Variants in RNF135 observed in about 807,000 individuals in gnomAD.
RNF135 encodes ring finger protein 135.
Under a neutral mutation model 41.9 loss-of-function variants are expected in RNF135, and 46 were observed. The observed-to-expected ratio is 1.10, with a 90% CI of 0.87 to 1.40. RNF135 has a LOEUF of 1.40. Among genes scored for constraint, RNF135 ranks in the 40% most tolerant of loss-of-function variants. The probability of loss-of-function intolerance (pLI) is 0.00; values close to 1 mark genes in which losing one functional copy is unlikely to be tolerated. For missense variants in RNF135, 539 were observed against 549.8 expected (o/e 0.98, Z 0.20); for synonymous variants, 238 against 223.8 (o/e 1.06, Z -0.57).
chr17:30,979,233 G>C (rs1906751159), intron 1 of RNF135: 1 of 146,376 alleles, frequency 6.8e-6, no homozygotes, highest in South Asian at 1.8e-4. Context: ...GGCCGGGCGG[G>C]GGGCTGACCC....
rs539841450 is a variant in RNF135, at chr17:30,972,847, C to G, written c.372+1402C>G. On this transcript the variant is annotated intron_variant, in intron 1 of 4. Transcript: ENST00000328381. ...CTGGAGTGTAGTGGCATGATCTTGG[C>G]TCACTGCAACCTCTGCCCCCTGGGT... 7 of 152,384 alleles carry G rather than the reference C, an allele frequency of 4.6e-5. No homozygotes were observed. The East Asian group carries it at 1.3e-3, about 29-fold the overall frequency. The allele number at this position is 152,384 out of a possible 1,614,324, so 9.4% of individuals were successfully genotyped here.
chr17:30,979,634 G>A (rs1386069123), intron 1 of RNF135, among the ~76,000 whole-genome samples: 7 of 119,098 alleles, frequency 5.9e-5, no homozygotes, highest in East Asian at 2.8e-4. Context: ...CTCACCTCCC[G>A]GACGGGGCGG....
At chr17:30,967,954 C>G (rs1274915864), upstream of RNF135, among the ~76,000 whole-genome samples, 1 of 151,918 alleles carries the variant, frequency 6.6e-6, no homozygotes, top group Non-Finnish European at 1.5e-5. Flanking sequence ...CATGAGCCAC[C>G]GCACTCGGCC....
chr17:30,966,226 A>C (rs1405346774), upstream of RNF135, among the ~76,000 whole-genome samples: 2 of 152,200 alleles, frequency 1.3e-5, no homozygotes, highest in East Asian at 3.8e-4. Context: ...GGCCTACCCC[A>C]GGAATGAGCG....
chr17:30,968,487 G>A (rs545569045), upstream of RNF135, among the ~76,000 whole-genome samples: 1 of 151,380 alleles, frequency 6.6e-6, no homozygotes, highest in South Asian at 2.1e-4. Flanking sequence ...CTGGGTTCAG[G>A]TCATTCTCCT....
intron 3 of RNF135, among the ~76,000 whole-genome samples, chr17:30,991,614 A>G (rs1160000835): frequency 6.6e-6 from 1 of 151,844 alleles, no homozygotes; most frequent in African/African-American, 2.4e-5. Context: ...GGGTTTCACC[A>G]TGTTGGTCAG....
At chr17:30,977,522 C>T (rs1473628463) in intron 1 of RNF135, among the ~76,000 whole-genome samples, 4 of 152,058 alleles carry the variant, frequency 2.6e-5, no homozygotes, top group South Asian at 2.1e-4. Context: ...TACAGGCATG[C>T]GCCACCATGC....
chr17:30,966,409 ATTTTATTTT>A (rs1905553011), upstream of RNF135, among the ~76,000 whole-genome samples: 18 of 126,522 alleles, frequency 1.4e-4, no homozygotes, highest in African/African-American at 7.9e-4. Context: ...TTTTTATTTT[ATTTTATTTT>A]TTTATTTATT....
At chr17:30,979,484 A>C (rs562194441) in intron 1 of RNF135, among the ~76,000 whole-genome samples, 4 of 50,202 alleles carry the variant, frequency 8.0e-5, no homozygotes, top group East Asian at 6.3e-4. Context: ...GCCGGCCGGA[A>C]GGGGGGCTGA....
chr17:30,996,914 G>T (rs1441397294), intron 3 of RNF135, among the ~76,000 whole-genome samples: 2 of 152,164 alleles, frequency 1.3e-5, no homozygotes, highest in African/African-American at 4.8e-5. Flanking sequence ...TGTATTAGTT[G>T]ATTTTATTTC....
intron 4 of RNF135, 42 bp downstream of exon 4, chr17:30,997,373 C>G (rs1908423208): frequency 6.5e-7 from 1 of 1,540,272 alleles, no homozygotes; most frequent in African/African-American, 1.4e-5. Flanking sequence ...TGGCTTGCCG[C>G]AGAGCGGGCT....
At chr17:30,995,459 C>T (rs1365883937) in intron 3 of RNF135, among the ~76,000 whole-genome samples, 3 of 152,098 alleles carry the variant, frequency 2.0e-5, no homozygotes, top group Non-Finnish European at 4.4e-5. Flanking sequence ...GGAACTCCTC[C>T]TGGCCTCAAG....
At chr17:30,963,256 G>A in the RNF135 span, among the ~76,000 whole-genome samples, 5 of 151,696 alleles carry the variant, frequency 3.3e-5, no homozygotes, top group African/African-American at 1.2e-4. Context: ...CTACAGGCAT[G>A]TGACACAGTG....
In RNF135 at chr17:30,987,945, CTT is replaced by C. The variant is rs1567745812; in HGVS notation, c.522_523del (p.Ser175PhefsTer28). 1 of 1,613,934 alleles carries C rather than the reference CTT, an allele frequency of 6.2e-7. No homozygotes were observed. The highest frequency in any genetic ancestry group is 1.1e-5 in the South Asian group (1 of 91,086). ...CAGTTTTAAATGGTTTATCAATAGGCTTTTTCTTCTGGGGTGGATCTTTCCAT... is the reference window on the plus strand; with the variant it reads ...CAGTTTTAAATGGTTTATCAATAGGCTTTCTTCTGGGGTGGATCTTTCCAT... On this transcript the variant is annotated frameshift_variant and splice_region_variant, in exon 3 of 5. Transcript: ENST00000328381. LOFTEE classifies it high-confidence loss of function.
intron 1 of RNF135, among the ~76,000 whole-genome samples, chr17:30,984,350 C>T (rs1194987137): frequency 1.3e-5 from 2 of 152,124 alleles, no homozygotes; most frequent in Non-Finnish European, 2.9e-5. Context: ...AAGGGTCCAG[C>T]CATATTCTTT....
chr17:30,998,961 C>T lies in RNF135; in HGVS notation c.1069C>T (p.Leu357Phe). Residue 357 changes from leucine (L) to phenylalanine (F), a missense_variant, in exon 5 of 5, where the codon CTC becomes TTC. By Grantham distance (22) the Leu-to-Phe change is conservative. Transcript: ENST00000328381. ...TGTGGAATGGAAGGGGACTAGCCAG[C>T]TCTCTGCATGGCACATGGTCAAGGA... ...CCVEWKGTSQ[L>F]SAWHMVKETV... 6.2e-7 allele frequency: 1 copy of T among 1,614,102 alleles called. No individual in the cohort carries two copies. Among genetic ancestry groups the T allele is most frequent in the Non-Finnish European group, 8.5e-7 (1 of 1,180,002 alleles).
At chr17:30,967,539 TAAG>T (rs1425880044), upstream of RNF135, among the ~76,000 whole-genome samples, 24 of 152,184 alleles carry the variant, frequency 1.6e-4, no homozygotes, top group African/African-American at 5.1e-4. Context: ...CACAGGAAGT[TAAG>T]AAGAATTAAA....
chr17:30,984,505 C>A, intron 1 of RNF135, 112 bp from the exon 2 acceptor site: 1 of 1,068,746 alleles, frequency 9.4e-7, no homozygotes, highest in Non-Finnish European at 1.4e-6. Context: ...TTCCATCGGT[C>A]TGTATGTCTG....
chr17:30,983,342 TATATATATATA>T (rs1304957724), intron 1 of RNF135, among the ~76,000 whole-genome samples: 909 of 37,904 alleles, frequency 0.024, 24 homozygotes, highest in African/African-American at 0.067. Flanking sequence ...TATATATATA[TATATATATATA>T]TTTTTTTTTT....
Sources: gnomAD v4.1 joint callset for allele counts (sites outside exome capture counted in the v4.1 genomes callset) on GRCh38, gnomAD v4.1.1 for gene constraint, MANE v1.5 for transcripts, NCBI Gene and HGNC (gene_info 2026-07-23, HGNC 2026-07-21) for gene names.